The following PLD3 variants were observed in gnomAD, a reference collection of about 807,000 sequenced individuals.
PLD3 encodes the protein 5'-3' exonuclease PLD3.
Under a neutral mutation model 58.4 loss-of-function variants are expected in PLD3, and 31 were observed. The ratio of observed to expected loss-of-function variants is 0.53; its 90% CI spans 0.40 to 0.72. The LOEUF is 0.72. Ranked by LOEUF, PLD3 falls within the 30% of genes least tolerant of loss-of-function variation. The pLI is 0.00. For missense variants in PLD3, 595 were observed against 659.8 expected (o/e 0.90, Z 1.08); for synonymous variants, 264 against 273.4 (o/e 0.97, Z 0.34).
chr19:40,365,319 A>T (rs2078890751), intron 1 of PLD3, among the ~76,000 whole-genome samples: 2 of 152,328 alleles, frequency 1.3e-5, no homozygotes, highest in Middle Eastern at 3.4e-3. Context: ...AAATTTTTTT[A>T]AATCCCTACC....
intron 1 of PLD3, among the ~76,000 whole-genome samples, chr19:40,350,831 T>C (rs2078495191): frequency 6.6e-6 from 1 of 151,838 alleles, no homozygotes; most frequent in Non-Finnish European, 1.5e-5. Context: ...AAGTAGATTA[T>C]TGGATGTATT....
intron 1 of PLD3, among the ~76,000 whole-genome samples, chr19:40,362,229 T>C (rs1277051001): frequency 6.6e-6 from 1 of 152,236 alleles, no homozygotes; most frequent in African/African-American, 2.4e-5. Flanking sequence ...TAAATGTGTG[T>C]AAAATTAACG....
chr19:40,375,147 A>G (rs1376679719), intron 10 of PLD3, among the ~76,000 whole-genome samples: 1 of 151,444 alleles, frequency 6.6e-6, no homozygotes, highest in Non-Finnish European at 1.5e-5. Flanking sequence ...CAGACAGAGC[A>G]AGACTCTGTC....
chr19:40,377,873 G>A lies in PLD3; in HGVS notation c.1273G>A (p.Ala425Thr), dbSNP rs570584298. ...NHNKYMVTERATYIGTSNWSG... is the reference protein window; with the variant it reads ...NHNKYMVTERTTYIGTSNWSG... ...CAACAAGTACATGGTGACTGAACGCGCCACCTACATCGGTGAGTGTCTTGA... is the reference window on the plus strand; with the variant it reads ...CAACAAGTACATGGTGACTGAACGCACCACCTACATCGGTGAGTGTCTTGA... The change falls in exon 12 of 13, where the codon GCC (alanine) becomes ACC (threonine). Residue 425 changes from alanine to threonine, a missense_variant. By Grantham distance (58) the Ala-to-Thr change is moderately conservative. Transcript: ENST00000409735. The A allele has an allele frequency of 1.6e-5, 26 of 1,613,748 alleles. No homozygotes were observed. The highest frequency in any genetic ancestry group is 5.0e-5 in the Admixed American group (3 of 59,990).
chr19:40,371,095 G>A (rs1469883293), intron 8 of PLD3, among the ~76,000 whole-genome samples: 2 of 152,234 alleles, frequency 1.3e-5, no homozygotes, highest in East Asian at 3.8e-4. Context: ...GAAGGATAGG[G>A]AGGAATTAGC....
Position 40,367,730 on chromosome 19 carries a change from G to C in PLD3, c.280G>C (p.Asp94His), listed in dbSNP as rs1243244199. Reference protein sequence around the residue: ...VLVESIPEGLDFPNASTGNPS... With the variant: ...VLVESIPEGLHFPNASTGNPS... ...GGTGGAAAGCATTCCTGAGGGCCTGGACTTCCCCAATGCCTCCACGGGGAA... is the reference window on the plus strand; with the variant it reads ...GGTGGAAAGCATTCCTGAGGGCCTGCACTTCCCCAATGCCTCCACGGGGAA... The change falls in exon 6 of 13, where the codon GAC (aspartate) becomes CAC (histidine). Residue 94 changes from aspartate to histidine, a missense_variant. By Grantham distance (81) the Asp-to-His change is moderately conservative. Transcript: ENST00000409735. 1.2e-6 allele frequency: 2 copies of C among 1,613,602 alleles called. No homozygotes were observed. Among genetic ancestry groups the C allele is most frequent in the Admixed American group, 3.3e-5 (2 of 59,990 alleles).
chr19:40,364,215 G>T (rs1013231725), intron 1 of PLD3, among the ~76,000 whole-genome samples: 5 of 151,742 alleles, frequency 3.3e-5, no homozygotes, highest in African/African-American at 7.3e-5. Flanking sequence ...TTAGCTGGTC[G>T]TGGTGGCAGG....
intron 1 of PLD3, among the ~76,000 whole-genome samples, chr19:40,351,459 C>T (rs144946221): frequency 6.6e-6 from 1 of 151,920 alleles, no homozygotes; most frequent in Non-Finnish European, 1.5e-5. Context: ...GCAGGAGAAT[C>T]GCTTGAACCA....
At chr19:40,357,057 T>G (rs1045396949) in intron 1 of PLD3, 4 of 152,214 alleles carry the variant, frequency 2.6e-5, no homozygotes, top group African/African-American at 4.8e-5. Context: ...ATCTAACTGC[T>G]GAAAATGAAA....
In PLD3 at chr19:40,348,767, A is replaced by G. The variant is rs567691992; in HGVS notation, c.-280A>G. 2 of 389,258 alleles carry G rather than the reference A, an allele frequency of 5.1e-6. No individual in the cohort carries two copies. The highest frequency in any genetic ancestry group is 4.2e-5 in the East Asian group (1 of 23,954). 24.1% of individuals were successfully genotyped at this position (389,258 alleles called of 1,614,324 possible). ...TCTCGGAGTGGGAGACGTGGAGTGC[A>G]GGTACTGTGCGATCTGGGGGCGCGG... On this transcript the variant is annotated splice_region_variant and 5_prime_UTR_variant, in exon 1 of 13. Coordinates refer to ENST00000409735, the MANE Select transcript of PLD3 (RefSeq NM_012268.4).
In PLD3 at chr19:40,374,635, G is replaced by A. The variant is rs994942978; in HGVS notation, c.1019+15G>A. On this transcript the variant is annotated intron_variant, in intron 10 of 12. Transcript: ENST00000409735. Reference sequence around the variant, plus strand: ...CACCCTCACAGGTACTGCTGGGTGTGGAGATAGGGAGCCGCTGCAGTTGGC... The same window carrying A: ...CACCCTCACAGGTACTGCTGGGTGTAGAGATAGGGAGCCGCTGCAGTTGGC... 6 of 1,613,824 alleles carry A rather than the reference G, an allele frequency of 3.7e-6. No individual in the cohort carries two copies. Among genetic ancestry groups the A allele is most frequent in the South Asian group, 1.1e-5 (1 of 91,080 alleles).
At position 40,378,225 on chromosome 19, in the gene PLD3, T is replaced by A; in HGVS notation, c.*52T>A. Reference sequence around the variant, plus strand: ...CCTGCTGGGCCCCCGCGGACCCAGGTGCTCTGGGTCACGGTCCCTGTCCCC... The same window carrying A: ...CCTGCTGGGCCCCCGCGGACCCAGGAGCTCTGGGTCACGGTCCCTGTCCCC... On this transcript the variant is annotated 3_prime_UTR_variant, in exon 13 of 13. Transcript: ENST00000409735. The A allele has an allele frequency of 5.2e-6, 8 of 1,524,422 alleles. No individual in the cohort carries two copies. Among genetic ancestry groups the A allele is most frequent in the African/African-American group, 1.4e-5 (1 of 73,372 alleles). The allele number at this position is 1,524,422 out of a possible 1,614,324, so 94.4% of individuals were successfully genotyped here. A position where few individuals can be genotyped will look rare whatever the true frequency, so the allele number is the denominator to read the frequency against.
At chr19:40,365,527 T>C (rs2078895848) in intron 1 of PLD3, 191 bp from the exon 2 acceptor site, 1 of 152,274 alleles carries the variant, frequency 6.6e-6, no homozygotes. Flanking sequence ...TTTATTAATT[T>C]CATTTATGTA....
Position 40,370,182 on chromosome 19 carries a change from A to G in PLD3, c.623A>G (p.Asp208Gly). The G allele has an allele frequency of 1.2e-6, 2 of 1,613,940 alleles. No homozygotes were observed. The highest frequency in any genetic ancestry group is 1.3e-5 in the African/African-American group (1 of 75,008). ...GVLHTKFWVV[D>G]QTHFYLGSAN... ...CTGCATACCAAGTTCTGGGTGGTGG[A>G]CCAGACCCACTTCTACCTGGGCAGT... Residue 208 changes from aspartate (D) to glycine (G), a missense_variant, in exon 8 of 13, where the codon GAC (aspartate) becomes GGC (glycine). Transcript: ENST00000409735.
chr19:40,355,612 CTTT>C (rs60422933), intron 1 of PLD3, among the ~76,000 whole-genome samples: 2 of 81,104 alleles, frequency 2.5e-5, no homozygotes, highest in African/African-American at 4.5e-5. Context: ...GTGCCGGCTC[CTTT>C]TTTTTTTTTT....
rs746135011 is a variant in PLD3, at chr19:40,370,237, GGTCT to G, written c.678+6_678+9del. The G allele has an allele frequency of 3.7e-6, 6 of 1,612,088 alleles. No homozygotes were observed. The African/African-American group carries it at 8.0e-5, about 22-fold the overall frequency. On this transcript the variant is annotated splice_donor_variant and splice_donor_region_variant and intron_variant, in intron 8 of 12. Coordinates refer to ENST00000409735, the MANE Select transcript of PLD3 (RefSeq NM_012268.4). LOFTEE classifies it high-confidence loss of function. ...ACATGGACTGGCGTTCACTGACCCA[GGTCT>G]GTCTGCACCCTGTCTACCTTCCTTC...
chr19:40,367,249 C>G, intron 5 of PLD3: 1 of 293,842 alleles, frequency 3.4e-6, no homozygotes, highest in South Asian at 1.1e-4. Context: ...CAAATACACA[C>G]AGTTTTAAAA....
At chr19:40,353,497 C>G (rs1287266091) in intron 1 of PLD3, among the ~76,000 whole-genome samples, 1 of 152,162 alleles carries the variant, frequency 6.6e-6, no homozygotes, top group Non-Finnish European at 1.5e-5. Context: ...TTCCCTGAGC[C>G]CTGCCACCTC....
In PLD3 at chr19:40,376,743, G is replaced by T; in HGVS notation, c.1154G>T (p.Arg385Leu). 1 of 1,600,830 alleles carries T rather than the reference G, an allele frequency of 6.2e-7. No individual in the cohort carries two copies. Among genetic ancestry groups the T allele is most frequent in the Non-Finnish European group, 8.5e-7 (1 of 1,179,914 alleles). The change falls in exon 11 of 13, where the codon CGT becomes CTT. Residue 385 changes from arginine (R) to leucine (L), a missense_variant. Transcript: ENST00000409735. ...RAFLLSLAAL[R>L]DNHTHSDIQV... ...TTCCTGCTCTCTCTGGCTGCCCTGC[G>T]TGACAACCATACCCACTCTGACATC...
Sources: gnomAD v4.1 joint callset for allele counts (sites outside exome capture counted in the v4.1 genomes callset) on GRCh38, gnomAD v4.1.1 for gene constraint, MANE v1.5 for transcripts, NCBI Gene and HGNC (gene_info 2026-07-23, HGNC 2026-07-21) for gene names.